M1AP: variants seen among roughly 807,000 people sequenced by gnomAD.
M1AP encodes the protein meiosis 1 arrest protein.
A neutral mutation model predicts 51.2 loss-of-function variants in M1AP; 39 were observed. That is an observed-to-expected ratio of 0.76 (90% CI 0.59 to 1.00). M1AP has a LOEUF of 1.00. M1AP is among the 50% of genes least tolerant of loss of function. M1AP has a pLI of 0.00. For synonymous variants in M1AP, 251 were observed against 249.2 expected (o/e 1.01, Z -0.07); for missense variants, 545 against 641.2 (o/e 0.85, Z 1.62).
At chr2:74,621,792 C>CA in intron 2 of M1AP, among the ~76,000 whole-genome samples, 1 of 150,968 alleles carries the variant, frequency 6.6e-6, no homozygotes, top group East Asian at 2.0e-4. Context: ...GACTCCGTCT[C>CA]AAAAAACAAA....
chr2:74,576,731 C>T, intron 5 of M1AP, 113 bp from the exon 6 acceptor site: 1 of 1,319,956 alleles, frequency 7.6e-7, no homozygotes, highest in Non-Finnish European at 1.0e-6. Context: ...CCCATTCCAT[C>T]TCTACCAGGC....
At chr2:74,565,326 T>C (rs1449781322) in intron 7 of M1AP, among the ~76,000 whole-genome samples, 1 of 152,072 alleles carries the variant, frequency 6.6e-6, no homozygotes, top group East Asian at 1.9e-4. Flanking sequence ...AAGAAAACTA[T>C]AGATCAATAT....
At chr2:74,609,366 ATGT>A (rs1237967759) in intron 3 of M1AP, among the ~76,000 whole-genome samples, 1 of 152,216 alleles carries the variant, frequency 6.6e-6, no homozygotes, top group African/African-American at 2.4e-5. Flanking sequence ...AGACTCATCC[ATGT>A]TGTCACAAAC....
At position 74,575,509 on chromosome 2, in the gene M1AP, A is replaced by G. The variant is rs752708443; in HGVS notation, c.1003T>C (p.Cys335Arg). The change falls in exon 7 of 11, where the codon TGT (cysteine) becomes CGT (arginine). Residue 335 changes from cysteine to arginine, a missense_variant. Transcript: ENST00000421985. Reference protein sequence around the residue: ...GLPFILRPTSCWQLDWDELET... With the variant: ...GLPFILRPTSRWQLDWDELET... ...AGCTCATCCCAGTCCAGCTGCCAAC[A>G]GCTTGTAGGTCTGAGGATGAACGGG... The G allele has an allele frequency of 6.2e-7, 1 of 1,614,198 alleles. No individual in the cohort carries two copies. The highest frequency in any genetic ancestry group is 2.2e-5 in the East Asian group (1 of 44,888).
chr2:74,636,917 G>A (rs1349214587), intron 2 of M1AP, among the ~76,000 whole-genome samples: 1 of 152,074 alleles, frequency 6.6e-6, no homozygotes, highest in Non-Finnish European at 1.5e-5. Context: ...TACATGATGT[G>A]CCTTAATGTA....
In M1AP at chr2:74,558,195, C is replaced by T. The variant is rs1225589605; in HGVS notation, c.*521G>A. ...CAGCCCTCCCACCCCCCAGCACACA[C>T]ACTTTGCATGTAGGTACCAAGCACT... is the stretch of plus-strand genomic sequence containing the variant. On this transcript the variant is annotated 3_prime_UTR_variant, in exon 11 of 11. Transcript: ENST00000421985. 1.9e-5 allele frequency: 3 copies of T among 157,524 alleles called. No individual in the cohort carries two copies. The highest frequency in any genetic ancestry group is 7.2e-5 in the African/African-American group (3 of 41,474). 9.8% of individuals were successfully genotyped at this position (157,524 alleles called of 1,614,324 possible).
intron 4 of M1AP, among the ~76,000 whole-genome samples, chr2:74,590,712 T>C (rs1679993454): frequency 6.6e-6 from 1 of 152,104 alleles, no homozygotes; most frequent in Non-Finnish European, 1.5e-5. Flanking sequence ...CACGGAAGTG[T>C]TCCCGGATTG....
intron 1 of M1AP, among the ~76,000 whole-genome samples, chr2:74,646,309 G>T (rs1193600474): frequency 6.6e-6 from 1 of 152,200 alleles, no homozygotes; most frequent in African/African-American, 2.4e-5. Flanking sequence ...AAATGATAAT[G>T]CCAGGAGTGA....
At chr2:74,605,452 A>G (rs10190271) in intron 4 of M1AP, among the ~76,000 whole-genome samples, 12,720 of 152,036 alleles carry the variant, frequency 0.084, 1,409 homozygotes, top group African/African-American at 0.26. Context: ...GTGTGTGTGG[A>G]TGTTGTTTTT....
rs1677672051 is a variant in M1AP at position 74,558,637 on chromosome 2, G to A, written c.*79C>T. On this transcript the variant is annotated 3_prime_UTR_variant, in exon 11 of 11. Transcript: ENST00000421985. Reference sequence around the variant, plus strand: ...AGAGGCTCAGGCGGATAGAGAGCAAGTCTGACCACAGATAGCCATTATGTG... The same window carrying A: ...AGAGGCTCAGGCGGATAGAGAGCAAATCTGACCACAGATAGCCATTATGTG... The A allele has an allele frequency of 6.5e-7, 1 of 1,545,668 alleles. No homozygotes were observed.
At chr2:74,593,756 GA>G (rs1680175366) in intron 4 of M1AP, among the ~76,000 whole-genome samples, 1 of 152,202 alleles carries the variant, frequency 6.6e-6, no homozygotes, top group Non-Finnish European at 1.5e-5. Context: ...GAGAGGAGTT[GA>G]AACTTGGAGT....
intron 2 of M1AP, chr2:74,628,767 C>T: frequency 1.9e-6 from 1 of 521,256 alleles, no homozygotes; most frequent in Non-Finnish European, 3.8e-6. Flanking sequence ...AATAAAGCTG[C>T]TGCTGAGTAA....
chr2:74,562,149 C>T, intron 8 of M1AP, 68 bp downstream of exon 8: 1 of 1,533,592 alleles, frequency 6.5e-7, no homozygotes, highest in Non-Finnish European at 8.8e-7. Context: ...GCTCACTCCT[C>T]TCCCTCATCC....
chr2:74,597,673 C>A (rs1299224278), intron 4 of M1AP, among the ~76,000 whole-genome samples: 1 of 152,178 alleles, frequency 6.6e-6, no homozygotes, highest in Non-Finnish European at 1.5e-5. Flanking sequence ...AGAAAGGGAA[C>A]CTGATATCCT....
intron 5 of M1AP, 133 bp downstream of exon 5, chr2:74,581,541 G>T: frequency 2.5e-6 from 2 of 791,804 alleles, no homozygotes; most frequent in Non-Finnish European, 4.0e-6. Flanking sequence ...CGCTTATATT[G>T]GACAGCCTCA....
chr2:74,613,420 G>A (rs144531914), intron 3 of M1AP, among the ~76,000 whole-genome samples: 192 of 152,340 alleles, frequency 1.3e-3, no homozygotes, highest in African/African-American at 4.5e-3. Flanking sequence ...GGGAGGGGAA[G>A]TATGATTAGG....
intron 2 of M1AP, among the ~76,000 whole-genome samples, chr2:74,638,995 T>C (rs1253389223): frequency 1.3e-5 from 2 of 152,222 alleles, no homozygotes; most frequent in Non-Finnish European, 2.9e-5. Context: ...TAAGTAACAA[T>C]GCACAGACAA....
chr2:74,573,416 G>A (rs574640727), intron 7 of M1AP, among the ~76,000 whole-genome samples: 4 of 152,090 alleles, frequency 2.6e-5, no homozygotes, highest in Admixed American at 1.3e-4. Flanking sequence ...GCAGTGGTGC[G>A]ATCTTGGCTC....
At chr2:74,618,400 T>G (rs1313068001) in intron 2 of M1AP, among the ~76,000 whole-genome samples, 1 of 152,108 alleles carries the variant, frequency 6.6e-6, no homozygotes, top group Non-Finnish European at 1.5e-5. Flanking sequence ...ACCCTCTCTG[T>G]GTGAAGAAAA....
Sources: gnomAD v4.1 joint callset for allele counts (sites outside exome capture counted in the v4.1 genomes callset) on GRCh38, gnomAD v4.1.1 for gene constraint, MANE v1.5 for transcripts, NCBI Gene and HGNC (gene_info 2026-07-23, HGNC 2026-07-21) for gene names.